The following TAS2R1 variants were observed in gnomAD, a reference collection of about 807,000 sequenced individuals.
TAS2R1 encodes the protein taste 2 receptor member 1, also known as taste receptor type 2 member 1.
For synonymous variants in TAS2R1, 141 were observed against 134.2 expected, an observed-to-expected ratio of 1.05 and a Z score of -0.35; for missense variants, 370 against 353.4, an observed-to-expected ratio of 1.05 and a Z score of -0.38.
chr5:9,873,523 G>A, the TAS2R1 span, among the ~76,000 whole-genome samples: 3 of 150,404 alleles, frequency 2.0e-5, no homozygotes, highest in Admixed American at 6.7e-5. Flanking sequence ...TAAAACCAAA[G>A]TATCTTACAT....
chr5:9,780,715 A>G, the TAS2R1 span, among the ~76,000 whole-genome samples: 1 of 152,216 alleles, frequency 6.6e-6, no homozygotes, highest in African/African-American at 2.4e-5. Context: ...ATGCACGCAC[A>G]TGTGCGTTCA....
chr5:9,664,866 G>C (rs1740601441), intron 1 of TAS2R1, among the ~76,000 whole-genome samples: 1 of 152,094 alleles, frequency 6.6e-6, no homozygotes, highest in Non-Finnish European at 1.5e-5. Flanking sequence ...TTAATCTTCA[G>C]GGAACACACC....
chr5:9,768,270 C>T, the TAS2R1 span, among the ~76,000 whole-genome samples: 4 of 152,160 alleles, frequency 2.6e-5, no homozygotes, highest in African/African-American at 9.7e-5. Context: ...AAGACACCTG[C>T]CTTGGGTCCC....
chr5:9,832,043 T>C, the TAS2R1 span, among the ~76,000 whole-genome samples: 1 of 152,316 alleles, frequency 6.6e-6, no homozygotes, highest in South Asian at 2.1e-4. Flanking sequence ...CCTTCTTAGT[T>C]TACTCTCTTT....
At chr5:9,640,877 C>A (rs182707948) in intron 2 of TAS2R1, among the ~76,000 whole-genome samples, 1 of 152,216 alleles carries the variant, frequency 6.6e-6, no homozygotes, top group East Asian at 1.9e-4. Flanking sequence ...TATTAGCAAG[C>A]CACTTAGAAA....
chr5:9,895,198 G>C, the TAS2R1 span, among the ~76,000 whole-genome samples: 1 of 152,318 alleles, frequency 6.6e-6, no homozygotes, highest in Admixed American at 6.5e-5. Context: ...AGGCAGTATG[G>C]CTTCTGCAGA....
At position 9,676,456 on chromosome 5, in the gene TAS2R1, A is replaced by G. The variant is rs1283987950; in HGVS notation, c.-241-16875T>C. ...GAAGGCCCAGAAATAGACCTACACAAAATATTCAATTGAGTTTAACTATGG... is the reference window on the plus strand; with the variant it reads ...GAAGGCCCAGAAATAGACCTACACAGAATATTCAATTGAGTTTAACTATGG... On this transcript the variant is annotated intron_variant, in intron 1 of 2. Transcript: ENST00000506620. Among the ~76,000 whole-genome samples the G allele has an allele frequency of 2.0e-5, 3 of 152,222 alleles. No individual in the cohort carries two copies. The East Asian group carries it at 5.8e-4, about 29-fold the overall frequency.
chr5:9,709,806 G>A (rs1741695865), intron 1 of TAS2R1, among the ~76,000 whole-genome samples: 1 of 152,186 alleles, frequency 6.6e-6, no homozygotes, highest in South Asian at 2.1e-4. Context: ...GAAACACCCA[G>A]CTAATCTGCT....
At chr5:9,792,498 T>A in the TAS2R1 span, among the ~76,000 whole-genome samples, 2 of 152,196 alleles carry the variant, frequency 1.3e-5, no homozygotes, top group Non-Finnish European at 2.9e-5. Context: ...CTGGCAACGA[T>A]CAACCCGACT....
the TAS2R1 span, among the ~76,000 whole-genome samples, chr5:9,877,156 G>T: frequency 6.6e-6 from 1 of 152,174 alleles, no homozygotes; most frequent in African/African-American, 2.4e-5. Flanking sequence ...TAACACAGAG[G>T]TTCCTTATAT....
the TAS2R1 span, among the ~76,000 whole-genome samples, chr5:9,765,873 C>T: frequency 8.0e-3 from 1,223 of 152,280 alleles, 15 homozygotes; most frequent in African/African-American, 0.028. Context: ...GACTAGATTA[C>T]CCGAAGACAA....
chr5:9,679,470 C>T (rs767853141), intron 1 of TAS2R1, among the ~76,000 whole-genome samples: 1 of 152,062 alleles, frequency 6.6e-6, no homozygotes, highest in African/African-American at 2.4e-5. Flanking sequence ...GAAAAGTTTC[C>T]GACTTAAGTG....
chr5:9,667,596 C>T lies in TAS2R1; in HGVS notation c.-241-8015G>A, dbSNP rs145727183. 1.2e-3 allele frequency among the ~76,000 whole-genome samples: 188 copies of T among 152,156 alleles called. 2 individuals carry two copies. Among genetic ancestry groups the T allele is most frequent in the African/African-American group, 4.1e-3 (171 of 41,516 alleles). ...CTGTCTGCCAGCTTTGGCCCCTGCC[C>T]GAGGGAGACACATGGAGCAGAACAC... On this transcript the variant is annotated intron_variant, in intron 1 of 2. Coordinates refer to the TAS2R1 transcript ENST00000506620.
intron 1 of TAS2R1, among the ~76,000 whole-genome samples, chr5:9,666,414 C>A (rs933495932): frequency 6.6e-6 from 1 of 152,148 alleles, no homozygotes; most frequent in African/African-American, 2.4e-5. Flanking sequence ...CACAGCTATG[C>A]TCTTAATGTC....
the TAS2R1 span, among the ~76,000 whole-genome samples, chr5:9,894,367 G>A: frequency 6.7e-6 from 1 of 148,704 alleles, no homozygotes; most frequent in Admixed American, 6.7e-5. Context: ...TCACGCCATT[G>A]TACTCCAGCC....
At chr5:9,790,642 C>A in the TAS2R1 span, among the ~76,000 whole-genome samples, 1 of 151,534 alleles carries the variant, frequency 6.6e-6, no homozygotes, top group Non-Finnish European at 1.5e-5. Context: ...ATTTTTTTTT[C>A]TTTTTTGAGA....
chr5:9,793,112 C>A, the TAS2R1 span, among the ~76,000 whole-genome samples: 2 of 152,184 alleles, frequency 1.3e-5, no homozygotes, highest in Non-Finnish European at 2.9e-5. Flanking sequence ...TTTCTTCTAA[C>A]ACATCCAGCA....
chr5:9,841,123 T>C, the TAS2R1 span, among the ~76,000 whole-genome samples: 1 of 152,176 alleles, frequency 6.6e-6, no homozygotes, highest in Non-Finnish European at 1.5e-5. Flanking sequence ...CTGTCTGTCT[T>C]ATATTTCTAC....
chr5:9,762,516 T>C, the TAS2R1 span, among the ~76,000 whole-genome samples: 2 of 152,236 alleles, frequency 1.3e-5, no homozygotes, highest in Non-Finnish European at 2.9e-5. Context: ...CGTGGGTTGC[T>C]ACATGGAGAA....
Sources: allele counts gnomAD v4.1 joint callset (sites outside exome capture counted in the v4.1 genomes callset), GRCh38; gene constraint gnomAD v4.1.1; transcripts MANE v1.5; gene names NCBI Gene and HGNC (gene_info 2026-07-23, HGNC 2026-07-21).